HMCN1: variants seen among roughly 807,000 people sequenced by gnomAD.
HMCN1 encodes hemicentin-1.
HMCN1 carries 321 observed loss-of-function variants against 625.9 expected under a neutral mutation model. The ratio of observed to expected loss-of-function variants is 0.51; its 90% CI spans 0.47 to 0.56. HMCN1 has a LOEUF of 0.56. Among genes scored for constraint, HMCN1 ranks in the 20% least tolerant of loss-of-function variants. The pLI, the probability that HMCN1 is intolerant of heterozygous loss-of-function variation, is 0.00. For synonymous variants in HMCN1, 2,425 were observed against 2,417.6 expected (o/e 1.00, Z -0.09); for missense variants, 6,588 against 6,887.3 (o/e 0.96, Z 1.54).
intron 1 of HMCN1, among the ~76,000 whole-genome samples, chr1:185,782,676 C>T (rs1001006070): frequency 6.6e-6 from 1 of 152,200 alleles, no homozygotes; most frequent in Non-Finnish European, 1.5e-5. Flanking sequence ...ATATTGGCCC[C>T]ACTCTCTTCT....
chr1:185,941,614 T>C (rs891037787), intron 11 of HMCN1, among the ~76,000 whole-genome samples: 3 of 152,356 alleles, frequency 2.0e-5, no homozygotes, highest in Admixed American at 6.5e-5. Context: ...AAATTTGGTA[T>C]TCACGTAATT....
chr1:186,130,226 G>T, intron 84 of HMCN1, 126 bp downstream of exon 84: 1 of 1,299,304 alleles, frequency 7.7e-7, no homozygotes, highest in African/African-American at 1.5e-5. Flanking sequence ...CTATTTCACA[G>T]ATGTACAAAT....
intron 40 of HMCN1, among the ~76,000 whole-genome samples, chr1:186,045,137 A>T (rs1656479003): frequency 6.6e-6 from 1 of 152,180 alleles, no homozygotes; most frequent in African/African-American, 2.4e-5. Context: ...ACTGCAAGTC[A>T]GAAGGCTCCT....
rs369263478 is a variant in HMCN1 at position 185,990,311 on chromosome 1, C to G, written c.3245C>G (p.Ser1082Cys). Residue 1082 changes from serine to cysteine, a missense_variant, in exon 22 of 107, where the codon TCC becomes TGC. Physicochemically the swap from Ser to Cys is moderately radical, Grantham distance 112 (BLOSUM62 -1). Around this residue, in one of 3 missense-constraint regions of HMCN1, gnomAD observed 4,628 missense variants for 4,853.1 expected, o/e 0.95. Coordinates refer to ENST00000271588, the MANE Select transcript of HMCN1 (RefSeq NM_031935.3). Reference protein sequence around the residue: ...PRVFGDQRGLSQDKPVEISVL... With the variant: ...PRVFGDQRGLCQDKPVEISVL... ...GTGTTTGGAGATCAACGAGGACTGT[C>G]CCAGGATAAGCCTGTTGAGATCTCC... 3 of 1,613,850 alleles carry G rather than the reference C, an allele frequency of 1.9e-6. No homozygotes were observed. The highest frequency in any genetic ancestry group is 2.5e-6 in the Non-Finnish European group (3 of 1,179,900).
At chr1:185,892,741 G>A (rs1022240548) in intron 4 of HMCN1, among the ~76,000 whole-genome samples, 14 of 152,092 alleles carry the variant, frequency 9.2e-5, no homozygotes, top group Non-Finnish European at 2.1e-4. Context: ...ATTTAAGTCT[G>A]CAGAGGTTAC....
chr1:186,123,036 C>T lies in HMCN1; in HGVS notation c.12315C>T (p.Leu4105=). The change falls in exon 81 of 107, where the codon CTC becomes CTT. Residue 4105 remains leucine, a synonymous_variant. Transcript: ENST00000271588. The part of the protein sequence containing the change: ...PITLSCEADG[L]PPPDITWHKD... ...CGTTATCCTGTGAAGCAGATGGCCT[C>T]CCTCCGCCTGACATTACATGGCATA... The T allele has an allele frequency of 6.2e-7, 1 of 1,614,076 alleles. No homozygotes were observed. Among genetic ancestry groups the T allele is most frequent in the Non-Finnish European group, 8.5e-7 (1 of 1,179,986 alleles).
Position 185,778,505 on chromosome 1 carries a change from C to G in HMCN1, c.268+43458C>G, listed in dbSNP as rs183939967. Reference sequence around the variant, plus strand: ...ATGCTATCCCTCCCCCCGCCCCCACCCCACAACAGTCCCCAGTGTGTGGTG... The same window carrying G: ...ATGCTATCCCTCCCCCCGCCCCCACGCCACAACAGTCCCCAGTGTGTGGTG... On this transcript the variant is annotated intron_variant, in intron 1 of 106. Coordinates refer to ENST00000271588, the MANE Select transcript of HMCN1 (RefSeq NM_031935.3). 7.3e-4 allele frequency among the ~76,000 whole-genome samples: 96 copies of G among 130,718 alleles called. 1 individual carries two copies. The highest frequency in any genetic ancestry group is 2.1e-3 in the Admixed American group (26 of 12,186). The allele number at this position is 130,718 out of a possible 152,430, so 85.8% of individuals were successfully genotyped here. A position where few individuals can be genotyped will look rare whatever the true frequency, so the allele number is the denominator to read the frequency against.
At chr1:186,073,665 G>A (rs999626012) in intron 52 of HMCN1, among the ~76,000 whole-genome samples, 10 of 151,928 alleles carry the variant, frequency 6.6e-5, no homozygotes, top group African/African-American at 2.4e-4. Context: ...AGAGTTGAGA[G>A]TTTTATACAA....
intron 102 of HMCN1, among the ~76,000 whole-genome samples, chr1:186,172,547 A>G (rs1480226855): frequency 2.6e-5 from 4 of 152,202 alleles, no homozygotes; most frequent in African/African-American, 4.8e-5. Context: ...CAAATCCATG[A>G]CCAGACAAAT....
chr1:185,858,438 T>C (rs1662612053), intron 2 of HMCN1, among the ~76,000 whole-genome samples: 1 of 151,782 alleles, frequency 6.6e-6, no homozygotes, highest in African/African-American at 2.4e-5. Flanking sequence ...TTTATTTATT[T>C]ATTTTTTGAG....
chr1:186,117,419 T>A (rs1195037751), intron 76 of HMCN1, 40 bp from the exon 77 acceptor site: 1 of 1,600,470 alleles, frequency 6.2e-7, no homozygotes, highest in Non-Finnish European at 8.6e-7. Flanking sequence ...GGGCTGGAAA[T>A]GTGTAGTTTT....
At chr1:186,172,158 G>C in intron 102 of HMCN1, 27 bp downstream of exon 102, 1 of 1,612,938 alleles carries the variant, frequency 6.2e-7, no homozygotes, top group Non-Finnish European at 8.5e-7. Flanking sequence ...TTCCGTGACT[G>C]AGATCAGTTT....
intron 36 of HMCN1, among the ~76,000 whole-genome samples, chr1:186,024,649 T>C (rs1272083138): frequency 6.6e-6 from 1 of 152,206 alleles, no homozygotes; most frequent in East Asian, 1.9e-4. Context: ...TATGAGTATC[T>C]GACTTCCATA....
chr1:185,812,641 T>C (rs1408367247), intron 1 of HMCN1, among the ~76,000 whole-genome samples: 2 of 152,322 alleles, frequency 1.3e-5, no homozygotes, highest in Admixed American at 1.3e-4. Context: ...AAACAATTTA[T>C]ATGTTTGTAC....
chr1:186,020,554 C>T (rs1033014103), intron 35 of HMCN1, among the ~76,000 whole-genome samples: 1 of 151,948 alleles, frequency 6.6e-6, no homozygotes, highest in African/African-American at 2.4e-5. Flanking sequence ...ACCTGGGAGA[C>T]AGATATTTAT....
chr1:186,036,422 G>A (rs1655826812), intron 36 of HMCN1, among the ~76,000 whole-genome samples: 2 of 151,976 alleles, frequency 1.3e-5, no homozygotes, highest in South Asian at 2.1e-4. Flanking sequence ...AAGGCAATCT[G>A]ATGGATCTAA....
chr1:186,044,039 C>T (rs1207326743), intron 40 of HMCN1, among the ~76,000 whole-genome samples: 2 of 152,096 alleles, frequency 1.3e-5, no homozygotes, highest in African/African-American at 4.8e-5. Context: ...CGAGATCATG[C>T]CATTGCACTC....
At position 186,064,576 on chromosome 1, in the gene HMCN1, G is replaced by A. The variant is rs192364889; in HGVS notation, c.7514-662G>A. The stretch of plus-strand genomic sequence containing the variant: ...TGTAATCCCAGCACTTTGGGAGGCC[G>A]AGGCAGGTGGATCACAAGGTCAGGA... On this transcript the variant is annotated intron_variant, in intron 48 of 106. Transcript: ENST00000271588. Among the ~76,000 whole-genome samples the A allele has an allele frequency of 4.3e-3, 660 of 152,050 alleles. 2 individuals carry two copies. Among genetic ancestry groups the A allele is most frequent in the Non-Finnish European group, 8.0e-3 (544 of 67,964 alleles).
chr1:186,137,404 T>G, intron 87 of HMCN1, 94 bp from the exon 88 acceptor site: 1 of 1,350,466 alleles, frequency 7.4e-7, no homozygotes, highest in Non-Finnish European at 1.0e-6. Context: ...CAACTATATA[T>G]TTAGCTCTGT....
Sources: gnomAD v4.1 joint callset for allele counts (sites outside exome capture counted in the v4.1 genomes callset) on GRCh38, gnomAD v4.1.1 for gene constraint, gnomAD v4.1.1 regional missense constraint, MANE v1.5 for transcripts, NCBI Gene and HGNC (gene_info 2026-07-23, HGNC 2026-07-21) for gene names.